Variants in SEMA3E observed in about 807,000 individuals in gnomAD.
The protein encoded by SEMA3E is semaphorin-3E.
SEMA3E carries 49 observed loss-of-function variants against 93.6 expected under a neutral mutation model. That is an observed-to-expected ratio of 0.52 (90% CI 0.42 to 0.66). The LOEUF (loss-of-function observed/expected upper bound fraction) is 0.66, where lower values mean the gene tolerates loss of function less well. SEMA3E is among the 30% of genes least tolerant of loss of function. The pLI, the probability that SEMA3E is intolerant of heterozygous loss-of-function variation, is 0.00. For missense variants in SEMA3E, 906 were observed against 964.8 expected (o/e 0.94, Z 0.81); for synonymous variants, 363 against 330.7 (o/e 1.10, Z -1.06).
At chr7:83,571,120 T>C (rs215280) in intron 1 of SEMA3E, among the ~76,000 whole-genome samples, 48,581 of 150,818 alleles carry the variant, frequency 0.32, 8,728 homozygotes, top group African/African-American at 0.49. Flanking sequence ...CCTGGTCAGA[T>C]GGATTTGCAG....
intron 4 of SEMA3E, among the ~76,000 whole-genome samples, chr7:83,457,417 C>G (rs1789508799): frequency 6.6e-6 from 1 of 152,196 alleles, no homozygotes; most frequent in Non-Finnish European, 1.5e-5. Flanking sequence ...AAAACCTACC[C>G]TGCTTCCATA....
At chr7:83,616,878 C>A (rs552090586) in intron 1 of SEMA3E, among the ~76,000 whole-genome samples, 1 of 152,196 alleles carries the variant, frequency 6.6e-6, no homozygotes, top group African/African-American at 2.4e-5. Context: ...GAGCCTGCCA[C>A]CACACCTGGC....
intron 4 of SEMA3E, among the ~76,000 whole-genome samples, chr7:83,451,779 T>C (rs1407731720): frequency 6.6e-6 from 1 of 152,210 alleles, no homozygotes; most frequent in African/African-American, 2.4e-5. Flanking sequence ...CAACCGGTTT[T>C]TAAAAGTATG....
At chr7:83,504,487 C>A (rs563647625) in intron 1 of SEMA3E, among the ~76,000 whole-genome samples, 1 of 152,252 alleles carries the variant, frequency 6.6e-6, no homozygotes, top group South Asian at 2.1e-4. Context: ...ACAATGTGAG[C>A]TGGATGCTTC....
intron 4 of SEMA3E, among the ~76,000 whole-genome samples, chr7:83,448,440 AGTTCAGGGCT>A (rs755208845): frequency 1.4e-3 from 214 of 152,288 alleles, no homozygotes; most frequent in Non-Finnish European, 2.2e-3. Context: ...TGAGGCTAGG[AGTTCAGGGCT>A]ACAGTGAGCT....
chr7:83,371,578 T>G (rs1794749679), intron 16 of SEMA3E: 1 of 152,198 alleles, frequency 6.6e-6, no homozygotes, highest in South Asian at 2.1e-4. Flanking sequence ...GTTTTATTCT[T>G]GTGAATATTT....
chr7:83,595,439 T>C (rs1469828646), intron 1 of SEMA3E, among the ~76,000 whole-genome samples: 3 of 152,082 alleles, frequency 2.0e-5, no homozygotes, highest in Non-Finnish European at 4.4e-5. Flanking sequence ...ATGATACACA[T>C]ATCAAAACTA....
At chr7:83,475,361 A>G (rs1473451337) in intron 2 of SEMA3E, among the ~76,000 whole-genome samples, 1 of 152,178 alleles carries the variant, frequency 6.6e-6, no homozygotes, top group Non-Finnish European at 1.5e-5. Flanking sequence ...CTTTTGTTCC[A>G]GAATATCTTT....
chr7:83,444,673 AT>A lies in SEMA3E; in HGVS notation c.456+21808del, dbSNP rs397952833. On this transcript the variant is annotated intron_variant, in intron 4 of 16. Coordinates refer to ENST00000643230, the MANE Select transcript of SEMA3E (RefSeq NM_012431.3). ...AGGCTAGGAAGGCAGAATATTCAGC[AT>A]TTTTTTTTTTTTTTGAGATGGAGTC... Among the ~76,000 whole-genome samples, 522 of 142,262 alleles carry A rather than the reference AT, an allele frequency of 3.7e-3. 2 individuals are homozygous for A. The highest frequency in any genetic ancestry group is 0.011 in the African/African-American group (435 of 38,680). The allele number at this position is 142,262 out of a possible 152,430, so 93.3% of individuals were successfully genotyped here.
intron 1 of SEMA3E, among the ~76,000 whole-genome samples, chr7:83,573,654 G>A (rs190525457): frequency 6.6e-6 from 1 of 151,860 alleles, no homozygotes; most frequent in Non-Finnish European, 1.5e-5. Context: ...CAAAATTAGG[G>A]CATTTCAGAT....
intron 16 of SEMA3E, among the ~76,000 whole-genome samples, chr7:83,375,742 T>C (rs1794813979): frequency 6.6e-6 from 1 of 152,060 alleles, no homozygotes; most frequent in Non-Finnish European, 1.5e-5. Context: ...ACTGATATCA[T>C]AGATCTAAGA....
chr7:83,376,176 A>G (rs57166648), intron 16 of SEMA3E, among the ~76,000 whole-genome samples: 6,306 of 152,076 alleles, frequency 0.041, 194 homozygotes, highest in African/African-American at 0.08. Context: ...AAGAAATAAT[A>G]TTAATGGGGA....
At chr7:83,461,457 T>G (rs1789615249) in intron 4 of SEMA3E, among the ~76,000 whole-genome samples, 1 of 152,190 alleles carries the variant, frequency 6.6e-6, no homozygotes, top group South Asian at 2.1e-4. Flanking sequence ...ACAGTTTCGT[T>G]CAGTGACTAT....
At chr7:83,503,218 G>A (rs1790631107) in intron 1 of SEMA3E, among the ~76,000 whole-genome samples, 1 of 151,686 alleles carries the variant, frequency 6.6e-6, no homozygotes, top group Non-Finnish European at 1.5e-5. Flanking sequence ...GTATTTTTAG[G>A]GAAAAACCTC....
At position 83,648,437 on chromosome 7, in the gene SEMA3E, A is replaced by G. The variant is rs1470725504; in HGVS notation, c.106T>C (p.Ser36Pro). The G allele has an allele frequency of 1.9e-6, 3 of 1,600,376 alleles. No homozygotes were observed. The highest frequency in any genetic ancestry group is 2.6e-6 in the Non-Finnish European group (3 of 1,173,104). Residue 36 changes from serine (S) to proline (P), a missense_variant, in exon 1 of 17, where the codon TCA becomes CCA. Physicochemically the swap from Ser to Pro is moderately conservative, Grantham distance 74. Transcript: ENST00000643230. ...TGGAAAGGTAACCTACCTTTATGTG[A>G]CAGGCGTAACCGGGGGTGGGTAGTA... ...ADTTHPRLRL[S>P]HKELLNLNRT...
chr7:83,404,493 T>C (rs1157517277), intron 9 of SEMA3E, among the ~76,000 whole-genome samples: 1 of 152,018 alleles, frequency 6.6e-6, no homozygotes, highest in African/African-American at 2.4e-5. Context: ...TTTTTTATCC[T>C]AATCATTTTA....
intron 1 of SEMA3E, among the ~76,000 whole-genome samples, chr7:83,491,606 GGGT>G: frequency 6.6e-6 from 1 of 151,932 alleles, no homozygotes; most frequent in Middle Eastern, 3.4e-3. Context: ...TAAGTTTTGA[GGGT>G]GGGGAAAAAA....
rs1420638220 is a variant in SEMA3E, at chr7:83,387,028, G to A, written c.1690C>T (p.Arg564Ter). The change falls in exon 15 of 17, where the codon CGA becomes TGA. Residue 564 changes from arginine to a stop codon, truncating the protein, a stop_gained. Coordinates refer to ENST00000643230, the MANE Select transcript of SEMA3E (RefSeq NM_012431.3). LOFTEE classifies it high-confidence loss of function. Reference sequence around the variant, plus strand: ...CACTGCTGAGCTGCATTTCCATGTCGAACATCTTGTCTCCGGAAACGCCTG... The same window carrying A: ...CACTGCTGAGCTGCATTTCCATGTCAAACATCTTGTCTCCGGAAACGCCTG... ...AKRRFRRQDV[R>*]HGNAAQQCFG... is the part of the protein sequence containing the mutation. 4 of 1,612,988 alleles carry A rather than the reference G, an allele frequency of 2.5e-6. No individual in the cohort carries two copies. Among genetic ancestry groups the A allele is most frequent in the Admixed American group, 1.7e-5 (1 of 59,936 alleles).
intron 5 of SEMA3E, among the ~76,000 whole-genome samples, chr7:83,408,775 G>A (rs966005850): frequency 1.3e-5 from 2 of 152,134 alleles, no homozygotes; most frequent in Non-Finnish European, 2.9e-5. Flanking sequence ...AAAGCACTTG[G>A]AAGATCAGCT....
Sources: gnomAD v4.1 joint callset for allele counts (sites outside exome capture counted in the v4.1 genomes callset) on GRCh38, gnomAD v4.1.1 for gene constraint, MANE v1.5 for transcripts, NCBI Gene and HGNC (gene_info 2026-07-23, HGNC 2026-07-21) for gene names.